Variants in NUBPL observed in about 807,000 individuals in gnomAD.
NUBPL encodes iron-sulfur cluster transfer protein NUBPL.
NUBPL carries 31 observed loss-of-function variants against 45.7 expected under a neutral mutation model. The observed-to-expected ratio is 0.68, with a 90% CI of 0.51 to 0.92. NUBPL has a LOEUF of 0.92. Ranked by LOEUF, NUBPL falls within the 40% of genes least tolerant of loss-of-function variation. NUBPL has a pLI of 0.00. For missense variants in NUBPL, 401 were observed against 398.7 expected (o/e 1.01, Z -0.05); for synonymous variants, 144 against 140.9 (o/e 1.02, Z -0.15).
At chr14:31,830,478 C>T (rs1207664590) in intron 8 of NUBPL, among the ~76,000 whole-genome samples, 1 of 152,186 alleles carries the variant, frequency 6.6e-6, no homozygotes, top group Non-Finnish European at 1.5e-5. Context: ...TAATTTTACA[C>T]ATCCTGGTCC....
chr14:31,689,689 GC>G (rs879390928), intron 6 of NUBPL, among the ~76,000 whole-genome samples: 2 of 152,078 alleles, frequency 1.3e-5, no homozygotes, highest in South Asian at 2.1e-4. Flanking sequence ...GTCAATTTTT[GC>G]TTTTGTTGCG....
chr14:31,815,176 A>T (rs1452875544), intron 7 of NUBPL, among the ~76,000 whole-genome samples: 1 of 151,354 alleles, frequency 6.6e-6, no homozygotes, highest in African/African-American at 2.4e-5. Flanking sequence ...TGAACATGGA[A>T]TTTTTTTTTC....
intron 6 of NUBPL, among the ~76,000 whole-genome samples, chr14:31,757,355 A>G (rs553633504): frequency 4.0e-4 from 60 of 151,438 alleles, no homozygotes; most frequent in African/African-American, 1.4e-3. Context: ...TTGGTAAGCT[A>G]TTGATTATTG....
chr14:31,834,779 T>C (rs1288987797), intron 8 of NUBPL, among the ~76,000 whole-genome samples: 3 of 152,090 alleles, frequency 2.0e-5, no homozygotes, highest in African/African-American at 7.2e-5. Flanking sequence ...TGAGGAAATG[T>C]GGTTGAGAGA....
At chr14:31,625,534 G>A (rs927230545) in intron 4 of NUBPL, among the ~76,000 whole-genome samples, 8 of 147,784 alleles carry the variant, frequency 5.4e-5, no homozygotes, top group Admixed American at 4.8e-4. Flanking sequence ...GGAGTGCAAT[G>A]GCATGATCTC....
intron 4 of NUBPL, among the ~76,000 whole-genome samples, chr14:31,668,387 A>T (rs1174938225): frequency 6.6e-6 from 1 of 152,120 alleles, no homozygotes; most frequent in East Asian, 1.9e-4. Flanking sequence ...CTCTAGCCTC[A>T]GTATTGGTTG....
intron 8 of NUBPL, among the ~76,000 whole-genome samples, chr14:31,839,782 G>T (rs1315809764): frequency 6.6e-6 from 1 of 152,102 alleles, no homozygotes; most frequent in Non-Finnish European, 1.5e-5. Context: ...ATGGGTGAAG[G>T]ATCTGAGTAG....
intron 6 of NUBPL, among the ~76,000 whole-genome samples, chr14:31,768,303 A>G (rs539350344): frequency 3.3e-4 from 51 of 152,368 alleles, no homozygotes; most frequent in Non-Finnish European, 6.6e-4. Flanking sequence ...TAAACACTTT[A>G]TCCAGGATAG....
chr14:31,732,773 A>G (rs2038080930), intron 6 of NUBPL, among the ~76,000 whole-genome samples: 1 of 151,692 alleles, frequency 6.6e-6, no homozygotes, highest in Non-Finnish European at 1.5e-5. Context: ...CACCATGCCC[A>G]GCTAATTTTT....
intron 9 of NUBPL, among the ~76,000 whole-genome samples, chr14:31,846,942 T>G (rs2040462739): frequency 2.0e-5 from 3 of 150,386 alleles, no homozygotes; most frequent in South Asian, 4.2e-4. Context: ...GGTGACAGAG[T>G]GAGACTCCAT....
chr14:31,841,707 G>A (rs1401828182), intron 8 of NUBPL, among the ~76,000 whole-genome samples: 5 of 152,006 alleles, frequency 3.3e-5, no homozygotes, highest in Non-Finnish European at 5.9e-5. Flanking sequence ...CTGCCTGCCT[G>A]CAGCATTAGT....
In NUBPL at chr14:31,774,418, G is replaced by A. The variant is rs116722802; in HGVS notation, c.514-13362G>A. On this transcript the variant is annotated intron_variant, in intron 6 of 10. Transcript: ENST00000281081. ...ACCATACATTCATTGGACCCTTTCT[G>A]TTCATCATGTAGAATTCAACCTATT... 6.5e-3 allele frequency among the ~76,000 whole-genome samples: 995 copies of A among 152,310 alleles called. 12 individuals are homozygous for A. Among genetic ancestry groups the A allele is most frequent in the African/African-American group, 0.022 (932 of 41,560 alleles).
intron 4 of NUBPL, chr14:31,667,802 T>G (rs1160172443): frequency 3.2e-5 from 5 of 153,850 alleles, no homozygotes; most frequent in Non-Finnish European, 7.2e-5. Flanking sequence ...CTTCTAACAG[T>G]CAGGCTCCTC....
chr14:31,798,174 C>T (rs118180435), intron 7 of NUBPL, among the ~76,000 whole-genome samples: 1 of 152,198 alleles, frequency 6.6e-6, no homozygotes, highest in East Asian at 1.9e-4. Flanking sequence ...GAGTGCCTCA[C>T]CCTGACTGCT....
In NUBPL at chr14:31,561,796, A is replaced by G. The variant is rs1054686893; in HGVS notation, c.108+249A>G. On this transcript the variant is annotated intron_variant, in intron 1 of 10. Transcript: ENST00000281081. ...GTTATTTATCAAATAGATTGAAGAA[A>G]AGCAAAACACGTGGAAGCCTTATCT... 2.1e-4 allele frequency: 125 copies of G among 586,142 alleles called. No homozygotes were observed. The Middle Eastern group carries it at 2.7e-3, about 13-fold the overall frequency. The allele number at this position is 586,142 out of a possible 1,614,324, so 36.3% of individuals were successfully genotyped here.
At chr14:31,562,260 A>G in intron 2 of NUBPL, 45 bp downstream of exon 2, 2 of 1,528,080 alleles carry the variant, frequency 1.3e-6, no homozygotes, top group Non-Finnish European at 1.8e-6. Flanking sequence ...AACTTATGCC[A>G]ACAGACAAGT....
Position 31,562,297 on chromosome 14 carries a change from GT to G in NUBPL, c.256+86del, listed in dbSNP as rs908320388. 14 of 1,344,208 alleles carry G rather than the reference GT, an allele frequency of 1.0e-5. No homozygotes were observed. The African/African-American group carries it at 1.9e-4, about 18-fold the overall frequency. 83.3% of individuals were successfully genotyped at this position (1,344,208 alleles called of 1,614,324 possible). ...CACACTATTGAAATTATAGTTTTGTGTTTTAAAAATTTATTTGTGAAGTTCC... is the reference window on the plus strand; with the variant it reads ...CACACTATTGAAATTATAGTTTTGTGTTTAAAAATTTATTTGTGAAGTTCC... On this transcript the variant is annotated intron_variant, in intron 2 of 10. Coordinates refer to ENST00000281081, the MANE Select transcript of NUBPL (RefSeq NM_025152.3).
intron 4 of NUBPL, among the ~76,000 whole-genome samples, chr14:31,670,361 G>A (rs554888866): frequency 9.2e-5 from 14 of 152,004 alleles, no homozygotes; most frequent in African/African-American, 3.4e-4. Context: ...CCTTATAGAG[G>A]CTTGATATCG....
chr14:31,605,947 T>C (rs371219668), intron 4 of NUBPL, among the ~76,000 whole-genome samples: 120 of 136,554 alleles, frequency 8.8e-4, no homozygotes, highest in African/African-American at 3.2e-3. Flanking sequence ...TCTTGTCCTC[T>C]CTTCTCCCTC....
Sources: gnomAD v4.1 joint callset for allele counts (sites outside exome capture counted in the v4.1 genomes callset) on GRCh38, gnomAD v4.1.1 for gene constraint, MANE v1.5 for transcripts, NCBI Gene and HGNC (gene_info 2026-07-23, HGNC 2026-07-21) for gene names.